PTPRN2: variants seen among roughly 807,000 people sequenced by gnomAD.
PTPRN2 encodes the protein receptor-type tyrosine-protein phosphatase N2.
Under a neutral mutation model 118.8 loss-of-function variants are expected in PTPRN2, and 74 were observed. The ratio of observed to expected loss-of-function variants is 0.62; its 90% CI spans 0.52 to 0.76. The LOEUF (loss-of-function observed/expected upper bound fraction) is 0.76, where lower values mean the gene tolerates loss of function less well. PTPRN2 is among the 30% of genes least tolerant of loss of function. The pLI, the probability that PTPRN2 is intolerant of heterozygous loss-of-function variation, is 0.00. For synonymous variants in PTPRN2, 641 were observed against 608.0 expected, an observed-to-expected ratio of 1.05 and a Z score of -0.80; for missense variants, 1,481 against 1,394.4, an observed-to-expected ratio of 1.06 and a Z score of -0.99.
intron 3 of PTPRN2, among the ~76,000 whole-genome samples, chr7:158,268,974 C>T (rs567872477): frequency 1.6e-4 from 25 of 152,322 alleles, no homozygotes; most frequent in African/African-American, 5.5e-4. Flanking sequence ...TGTTGAAAGC[C>T]GTTGCCGGGC....
chr7:157,876,189 C>T (rs923098029), intron 12 of PTPRN2, among the ~76,000 whole-genome samples: 2 of 152,210 alleles, frequency 1.3e-5, no homozygotes, highest in East Asian at 1.9e-4. Flanking sequence ...ACTGGGTGCC[C>T]GAGTGGGCTC....
Position 157,974,892 on chromosome 7 carries a change from T to C in PTPRN2, c.1724-76155A>G, listed in dbSNP as rs1349565083. ...ACGTCCATCCCCAGCCCCTCAGGCATGTTCACCATCATGGCGCACATGTCT... is the reference window on the plus strand; with the variant it reads ...ACGTCCATCCCCAGCCCCTCAGGCACGTTCACCATCATGGCGCACATGTCT... On this transcript the variant is annotated intron_variant, in intron 11 of 22. Transcript: ENST00000389418. This position sits in a 1 kb window ranked among gnomAD's most constrained non-coding sequence, Gnocchi z 4.0. Among the ~76,000 whole-genome samples, 2 of 152,014 alleles carry C rather than the reference T, an allele frequency of 1.3e-5. No homozygotes were observed. Among genetic ancestry groups the C allele is most frequent in the East Asian group, 1.9e-4 (1 of 5,178 alleles).
chr7:158,136,316 G>A (rs1403509652), intron 8 of PTPRN2, among the ~76,000 whole-genome samples: 1 of 152,222 alleles, frequency 6.6e-6, no homozygotes, highest in Admixed American at 6.5e-5. Context: ...GCACATGCAG[G>A]AGGCATCAAA....
chr7:158,389,996 C>T (rs540120925), intron 2 of PTPRN2, among the ~76,000 whole-genome samples: 122 of 152,344 alleles, frequency 8.0e-4, no homozygotes, highest in Middle Eastern at 6.8e-3. Flanking sequence ...TCTGTAATGA[C>T]GCTGTTCACA....
In PTPRN2 at chr7:157,795,010, G is replaced by A. The variant is rs542537988; in HGVS notation, c.1788+103663C>T. 5.0e-4 allele frequency among the ~76,000 whole-genome samples: 76 copies of A among 152,298 alleles called. 1 individual carries two copies. In the South Asian group the frequency reaches 0.015, roughly 30 times the overall value. On this transcript the variant is annotated intron_variant, in intron 12 of 22. Transcript: ENST00000389418. Reference sequence around the variant, plus strand: ...TCCTCTAAGACATGGATCCCTGTGCGTCGCAGCCCCTCACCTGTGCACCTG... The same window carrying A: ...TCCTCTAAGACATGGATCCCTGTGCATCGCAGCCCCTCACCTGTGCACCTG...
intron 2 of PTPRN2, among the ~76,000 whole-genome samples, chr7:158,449,313 G>A (rs1817937559): frequency 6.6e-6 from 1 of 152,236 alleles, no homozygotes; most frequent in Non-Finnish European, 1.5e-5. Flanking sequence ...GCTGGCCCAA[G>A]GGCAGGTGAG....
intron 12 of PTPRN2, among the ~76,000 whole-genome samples, chr7:157,713,490 A>G (rs1377450924): frequency 1.3e-5 from 2 of 152,154 alleles, no homozygotes; most frequent in African/African-American, 4.8e-5. Context: ...TTTGTAAAAA[A>G]AAAAATCATT....
At chr7:158,202,368 C>T (rs1190127927) in intron 4 of PTPRN2, among the ~76,000 whole-genome samples, 1 of 152,072 alleles carries the variant, frequency 6.6e-6, no homozygotes, top group Non-Finnish European at 1.5e-5. Flanking sequence ...CAGAGTCGGG[C>T]ATGAGGAAGG....
chr7:158,512,396 G>C (rs142356021), intron 1 of PTPRN2, among the ~76,000 whole-genome samples: 1 of 152,192 alleles, frequency 6.6e-6, no homozygotes. Context: ...AGGAGGCAGC[G>C]TCTGGAATAA....
At chr7:157,765,895 T>TCCAC (rs1176012462) in intron 12 of PTPRN2, among the ~76,000 whole-genome samples, 11 of 134,406 alleles carry the variant, frequency 8.2e-5, no homozygotes, top group African/African-American at 2.0e-4. Context: ...CATCCATCCA[T>TCCAC]CCACCCACCC....
chr7:157,860,659 G>A (rs1031533936), intron 12 of PTPRN2, among the ~76,000 whole-genome samples: 1 of 152,216 alleles, frequency 6.6e-6, no homozygotes, highest in Non-Finnish European at 1.5e-5. Context: ...TATCTAATCT[G>A]GGCCTTAATA....
At chr7:158,115,104 C>T (rs949016061) in intron 9 of PTPRN2, among the ~76,000 whole-genome samples, 1 of 152,168 alleles carries the variant, frequency 6.6e-6, no homozygotes, top group African/African-American at 2.4e-5. Flanking sequence ...GAGCTCAAGG[C>T]TGCAATGAGC....
intron 2 of PTPRN2, among the ~76,000 whole-genome samples, chr7:158,340,418 C>T (rs1347496128): frequency 1.5e-5 from 1 of 65,820 alleles, no homozygotes; most frequent in Non-Finnish European, 3.2e-5. Context: ...AGACGTCACT[C>T]ACACACACAC....
chr7:158,034,939 C>A (rs1807991368), intron 11 of PTPRN2, among the ~76,000 whole-genome samples: 1 of 152,236 alleles, frequency 6.6e-6, no homozygotes. Flanking sequence ...GCCTGTCAGC[C>A]AAAACCCTAT....
In PTPRN2 at chr7:157,701,616, C is replaced by T. The variant is rs887514796; in HGVS notation, c.1789-18679G>A. Among the ~76,000 whole-genome samples, 29 of 152,222 alleles carry T rather than the reference C, an allele frequency of 1.9e-4. 1 individual carries two copies. The highest frequency in any genetic ancestry group is 7.0e-4 in the African/African-American group (29 of 41,456). The stretch of plus-strand genomic sequence containing the variant: ...ACTCAGCGCTGCCCCCAGACCCTTC[C>T]TACCCGAAGTTCTGTGGCCACAGCC... On this transcript the variant is annotated intron_variant, in intron 12 of 22. Transcript: ENST00000389418.
chr7:158,290,467 C>A (rs1477749712), intron 3 of PTPRN2, among the ~76,000 whole-genome samples: 1 of 152,126 alleles, frequency 6.6e-6, no homozygotes, highest in Non-Finnish European at 1.5e-5. Flanking sequence ...GTCCACTGGG[C>A]AGGTGTGGGG....
chr7:158,185,091 C>T (rs1020723698), intron 5 of PTPRN2, among the ~76,000 whole-genome samples: 3 of 152,014 alleles, frequency 2.0e-5, no homozygotes, highest in African/African-American at 7.3e-5. Context: ...GATAAATCTG[C>T]CTTGATTATG....
rs188997609 is a variant in PTPRN2, at chr7:157,630,970, C to T, written c.2197-9461G>A. The stretch of plus-strand genomic sequence containing the variant: ...ACACAGATGAAACTGGCAAAAGCCT[C>T]CTCCTGTGGGCACCACAACTGGCTT... On this transcript the variant is annotated intron_variant, in intron 14 of 22. Transcript: ENST00000389418. Among the ~76,000 whole-genome samples the T allele has an allele frequency of 1.7e-4, 26 of 152,312 alleles. No individual in the cohort carries two copies. In the East Asian group the frequency reaches 4.6e-3, roughly 27 times the overall value.
intron 14 of PTPRN2, among the ~76,000 whole-genome samples, chr7:157,637,685 A>G (rs909063889): frequency 6.6e-6 from 1 of 152,184 alleles, no homozygotes; most frequent in Non-Finnish European, 1.5e-5. Flanking sequence ...AGCAGCCCAG[A>G]GGGGACCATT....
Sources: allele counts gnomAD v4.1 joint callset (sites outside exome capture counted in the v4.1 genomes callset), GRCh38; gene constraint gnomAD v4.1.1; non-coding constraint Gnocchi (gnomAD v3.1); transcripts MANE v1.5; gene names NCBI Gene and HGNC (gene_info 2026-07-23, HGNC 2026-07-21).